PLB1: variants seen among roughly 807,000 people sequenced by gnomAD.
PLB1 encodes the protein phospholipase B1, membrane-associated.
PLB1 carries 242 observed loss-of-function variants against 227.4 expected under a neutral mutation model. That is an observed-to-expected ratio of 1.06 (90% CI 0.96 to 1.18). PLB1 has a LOEUF of 1.18. PLB1 is among the 50% of genes most tolerant of loss of function. The pLI, the probability that PLB1 is intolerant of heterozygous loss-of-function variation, is 0.00. For synonymous variants in PLB1, 757 were observed against 682.2 expected, an observed-to-expected ratio of 1.11 and a Z score of -1.71; for missense variants, 1,858 against 1,816.3, an observed-to-expected ratio of 1.02 and a Z score of -0.42.
intron 49 of PLB1, among the ~76,000 whole-genome samples, chr2:28,621,235 G>C (rs529712405): frequency 2.7e-4 from 41 of 152,216 alleles, no homozygotes; most frequent in Admixed American, 2.6e-3. Flanking sequence ...CCTGAATCAG[G>C]AGCCTTTGCT....
At position 28,602,857 on chromosome 2, in the gene PLB1, A is replaced by T. The variant is rs62131028; in HGVS notation, c.2710A>T (p.Asn904Tyr). ...CCTGGTCAACCTCGTGGACTTCCTG[A>T]ACCCCACTATCATGCGGCAGGTGTT... ...RVLVNLVDFL[N>Y]PTIMRQVFLG... is the part of the protein sequence containing the mutation. The change falls in exon 39 of 58, where the codon AAC (asparagine) becomes TAC (tyrosine). Residue 904 changes from asparagine to tyrosine, a missense_variant. Coordinates refer to ENST00000327757, the MANE Select transcript of PLB1 (RefSeq NM_153021.5). 9.3e-3 allele frequency: 15,025 copies of T among 1,614,108 alleles called. 95 individuals are homozygous for T. The highest frequency in any genetic ancestry group is 0.02 in the Middle Eastern group (120 of 6,058).
In PLB1 at chr2:28,540,357, A is replaced by G. The variant is rs1460192039; in HGVS notation, c.699-9A>G. The G allele has an allele frequency of 6.2e-7, 1 of 1,613,558 alleles. No individual in the cohort carries two copies. The highest frequency in any genetic ancestry group is 1.1e-5 in the South Asian group (1 of 91,064). On this transcript the variant is annotated splice_polypyrimidine_tract_variant and intron_variant, in intron 11 of 57. Coordinates refer to ENST00000327757, the MANE Select transcript of PLB1 (RefSeq NM_153021.5). ...CCCTCTCTCATTCCTGGTGTGTTTT[A>G]ACCTGCAGCCCTGCACCAGAGCCCT...
At chr2:28,634,873 C>T (rs376632106) in intron 56 of PLB1, among the ~76,000 whole-genome samples, 70 of 151,974 alleles carry the variant, frequency 4.6e-4, no homozygotes, top group African/African-American at 8.5e-4. Context: ...ATGGCACCAC[C>T]GCACTCCAGC....
chr2:28,604,901 A>T, intron 41 of PLB1, 142 bp downstream of exon 41: 1 of 731,622 alleles, frequency 1.4e-6, no homozygotes, highest in East Asian at 2.8e-5. Context: ...AGGCTCCCTG[A>T]ACGCCTGAGC....
chr2:28,555,141 C>CT (rs3041204), intron 17 of PLB1, among the ~76,000 whole-genome samples: 58,285 of 120,032 alleles, frequency 0.49, 15,558 homozygotes, highest in South Asian at 0.56. Context: ...TGCCAGTGAT[C>CT]TTTTTTTTTT....
At chr2:28,527,353 A>AG (rs1319155335) in intron 6 of PLB1, among the ~76,000 whole-genome samples, 1 of 152,148 alleles carries the variant, frequency 6.6e-6, no homozygotes, top group Non-Finnish European at 1.5e-5. Flanking sequence ...CCAATGGGGA[A>AG]GGAGGGAGGA....
intron 5 of PLB1, among the ~76,000 whole-genome samples, chr2:28,525,537 G>C (rs147019362): frequency 1.9e-3 from 294 of 152,256 alleles, no homozygotes; most frequent in African/African-American, 6.8e-3. Flanking sequence ...ATGAGGAGAA[G>C]TGGGAAAGGC....
At chr2:28,514,399 A>G (rs1026265876) in intron 1 of PLB1, among the ~76,000 whole-genome samples, 4 of 152,052 alleles carry the variant, frequency 2.6e-5, no homozygotes, top group African/African-American at 9.7e-5. Context: ...TTCTTCTTCA[A>G]TATTGTGTTG....
intron 26 of PLB1, among the ~76,000 whole-genome samples, chr2:28,586,518 T>A (rs1680931295): frequency 6.6e-6 from 1 of 152,142 alleles, no homozygotes. Flanking sequence ...AGGCCTTTCT[T>A]CTAGACTAGG....
chr2:28,509,606 T>G (rs1410462370), intron 1 of PLB1, among the ~76,000 whole-genome samples: 1 of 152,224 alleles, frequency 6.6e-6, no homozygotes, highest in Non-Finnish European at 1.5e-5. Flanking sequence ...CCAAACCTGT[T>G]TCTCAGAGCA....
In PLB1 at chr2:28,565,367, T is replaced by A; in HGVS notation, c.1280+14T>A. ...CCTGTCCTGGAGGTGAGTGAGGGTGTGGCAAGGCCCCAAAGGCCCCTTCAT... is the reference window on the plus strand; with the variant it reads ...CCTGTCCTGGAGGTGAGTGAGGGTGAGGCAAGGCCCCAAAGGCCCCTTCAT... On this transcript the variant is annotated intron_variant, in intron 19 of 57. Coordinates refer to ENST00000327757, the MANE Select transcript of PLB1 (RefSeq NM_153021.5). The A allele has an allele frequency of 6.3e-7, 1 of 1,598,938 alleles. No individual in the cohort carries two copies. The highest frequency in any genetic ancestry group is 8.5e-7 in the Non-Finnish European group (1 of 1,172,356).
chr2:28,518,600 C>T (rs1669133888), intron 3 of PLB1, 68 bp downstream of exon 3: 2 of 1,209,184 alleles, frequency 1.7e-6, no homozygotes, highest in Non-Finnish European at 2.4e-6. Context: ...AGCAGAGGCT[C>T]TAACCCTATT....
intron 1 of PLB1, among the ~76,000 whole-genome samples, chr2:28,497,327 CAG>C (rs1309200161): frequency 4.6e-5 from 7 of 152,194 alleles, no homozygotes; most frequent in Admixed American, 2.0e-4. Context: ...TGAGGACAAA[CAG>C]AGGCTACTTA....
chr2:28,504,453 AT>A (rs1667428961), intron 1 of PLB1, among the ~76,000 whole-genome samples: 1 of 152,166 alleles, frequency 6.6e-6, no homozygotes, highest in African/African-American at 2.4e-5. Flanking sequence ...AAACATAGTC[AT>A]TGTAAGGGCC....
intron 57 of PLB1, among the ~76,000 whole-genome samples, chr2:28,641,766 C>G (rs1169702678): frequency 6.6e-6 from 1 of 152,082 alleles, no homozygotes; most frequent in Admixed American, 6.5e-5. Flanking sequence ...ACCTTCGAAG[C>G]CTGTGACTTG....
At chr2:28,560,387 T>C (rs1372604009) in intron 17 of PLB1, among the ~76,000 whole-genome samples, 1 of 152,186 alleles carries the variant, frequency 6.6e-6, no homozygotes, top group Non-Finnish European at 1.5e-5. Flanking sequence ...GTCCCCCAAA[T>C]ACACTAGGAT....
intron 4 of PLB1, among the ~76,000 whole-genome samples, chr2:28,519,994 C>T (rs1032455727): frequency 6.6e-6 from 1 of 151,906 alleles, no homozygotes; most frequent in African/African-American, 2.4e-5. Context: ...AATGGCGCAA[C>T]CTTGGCTGAC....
At chr2:28,548,003 G>A (rs932773138) in intron 14 of PLB1, among the ~76,000 whole-genome samples, 4 of 151,768 alleles carry the variant, frequency 2.6e-5, no homozygotes, top group Non-Finnish European at 5.9e-5. Flanking sequence ...GATGGCCTTC[G>A]TGGTTGTCAT....
chr2:28,523,950 T>A (rs1218696557), intron 4 of PLB1, among the ~76,000 whole-genome samples: 1 of 152,208 alleles, frequency 6.6e-6, no homozygotes, highest in Non-Finnish European at 1.5e-5. Flanking sequence ...TTTTAAATAA[T>A]CCCTGACTTG....
Sources: allele counts gnomAD v4.1 joint callset (sites outside exome capture counted in the v4.1 genomes callset), GRCh38; gene constraint gnomAD v4.1.1; transcripts MANE v1.5; gene names NCBI Gene and HGNC (gene_info 2026-07-23, HGNC 2026-07-21).